FHIT: variants seen among roughly 807,000 people sequenced by gnomAD.
The protein encoded by FHIT is fragile histidine triad diadenosine triphosphatase.
In FHIT, 19 loss-of-function variants were observed where a neutral mutation model predicts 17.9. The ratio of observed to expected loss-of-function variants is 1.06; its 90% CI spans 0.74 to 1.56. The LOEUF is 1.56. Ranked by LOEUF, FHIT falls within the 40% of genes most tolerant of loss-of-function variation. The pLI, the probability that FHIT is intolerant of heterozygous loss-of-function variation, is 0.00. For synonymous variants in FHIT, 81 were observed against 69.7 expected (o/e 1.16, Z -0.81); for missense variants, 248 against 189.2 (o/e 1.31, Z -1.82).
chr3:60,248,317 T>C (rs185944910), intron 5 of FHIT, among the ~76,000 whole-genome samples: 3 of 152,260 alleles, frequency 2.0e-5, no homozygotes, highest in Admixed American at 1.3e-4. Context: ...AACTTTCATA[T>C]CATTGGGGAA....
chr3:60,088,323 T>C lies in FHIT; in HGVS notation c.104-74171A>G, dbSNP rs556275162. 3.4e-4 allele frequency among the ~76,000 whole-genome samples: 52 copies of C among 152,290 alleles called. 1 individual carries two copies. The South Asian group carries it at 0.01, about 30-fold the overall frequency. The stretch of plus-strand genomic sequence containing the variant: ...TTGACAGGGACAAACAAATCAAGCA[T>C]GATCCTTAGAAACACCACATGGTAG... On this transcript the variant is annotated intron_variant, in intron 5 of 9. Coordinates refer to ENST00000492590, the MANE Select transcript of FHIT (RefSeq NM_002012.4).
Position 61,003,628 on chromosome 3 carries a change from C to T in FHIT, c.-111+38419G>A, listed in dbSNP as rs151193819. ...TAAAACACGATTACCAGGGTATCTG[C>T]AATCAAGCTTTCAATGTAAGAAATA... On this transcript the variant is annotated intron_variant, in intron 3 of 9. Coordinates refer to ENST00000492590, the MANE Select transcript of FHIT (RefSeq NM_002012.4). Among the ~76,000 whole-genome samples, 55 of 152,328 alleles carry T rather than the reference C, an allele frequency of 3.6e-4. No homozygotes were observed. In the East Asian group the frequency reaches 0.01, roughly 28 times the overall value.
Position 60,980,244 on chromosome 3 carries a change from T to TA in FHIT, c.-111+61802dup, listed in dbSNP as rs1271923247. Among the ~76,000 whole-genome samples, 12 of 151,824 alleles carry TA rather than the reference T, an allele frequency of 7.9e-5. No individual in the cohort carries two copies. The South Asian group carries it at 2.1e-3, about 26-fold the overall frequency. On this transcript the variant is annotated intron_variant, in intron 3 of 9. Transcript: ENST00000492590. ...TACTCTGTATAAAGCATAAGAAGGA[T>TA]AAAAAAAATAAACACAACATCTTTT...
chr3:60,149,453 G>A (rs1026426219), intron 5 of FHIT, among the ~76,000 whole-genome samples: 1 of 151,334 alleles, frequency 6.6e-6, no homozygotes, highest in Admixed American at 6.6e-5. Flanking sequence ...TTTGTCCTTT[G>A]TAAGCACAAA....
At chr3:60,175,968 T>C (rs1440436170) in intron 5 of FHIT, among the ~76,000 whole-genome samples, 2 of 152,174 alleles carry the variant, frequency 1.3e-5, no homozygotes, top group South Asian at 2.1e-4. Flanking sequence ...ACTAACCACA[T>C]ATATTTACTG....
At chr3:60,609,353 T>C (rs1213053330) in intron 4 of FHIT, among the ~76,000 whole-genome samples, 2 of 151,770 alleles carry the variant, frequency 1.3e-5, no homozygotes, top group African/African-American at 4.8e-5. Context: ...TGAGACTGAG[T>C]CTAGCTGTGT....
At chr3:60,866,909 C>T (rs782780084) in intron 3 of FHIT, among the ~76,000 whole-genome samples, 1 of 152,102 alleles carries the variant, frequency 6.6e-6, no homozygotes, top group Non-Finnish European at 1.5e-5. Context: ...CTTTTCTTTC[C>T]CCATTGACTG....
chr3:60,142,114 T>C (rs1335164374), intron 5 of FHIT, among the ~76,000 whole-genome samples: 1 of 152,178 alleles, frequency 6.6e-6, no homozygotes, highest in Non-Finnish European at 1.5e-5. Context: ...TCTTTTAGCA[T>C]ATCAATAGGA....
intron 5 of FHIT, among the ~76,000 whole-genome samples, chr3:60,449,880 G>A (rs557265691): frequency 1.6e-4 from 24 of 151,700 alleles, no homozygotes; most frequent in African/African-American, 5.6e-4. Context: ...GCACACGCCT[G>A]TAGTCCCAGC....
rs2106974650 is a variant in FHIT at position 61,135,993 on chromosome 3, A to G, written c.-164+64624T>C. ...GTCTGCATCTTTAATTTGGAGGCTC[A>G]TGATCATGCTGGAGGTAGGAGGCAA... is the stretch of plus-strand genomic sequence containing the variant. On this transcript the variant is annotated intron_variant, in intron 2 of 9. Coordinates refer to ENST00000492590, the MANE Select transcript of FHIT (RefSeq NM_002012.4). Among the ~76,000 whole-genome samples, 2 of 152,292 alleles carry G rather than the reference A, an allele frequency of 1.3e-5. 1 individual carries two copies. Among genetic ancestry groups the G allele is most frequent in the Middle Eastern group, 6.8e-3 (2 of 294 alleles).
rs1013006799 is a variant in FHIT, at chr3:60,372,288, G to C, written c.103+164572C>G. ...TTAAGCCAACCTTCCAAATTTACCT[G>C]AGCATAGAGCACCACCCCTTCACCA... is the stretch of plus-strand genomic sequence containing the variant. On this transcript the variant is annotated intron_variant, in intron 5 of 9. Coordinates refer to ENST00000492590, the MANE Select transcript of FHIT (RefSeq NM_002012.4). Among the ~76,000 whole-genome samples the C allele has an allele frequency of 6.6e-5, 10 of 152,220 alleles. 1 individual carries two copies. Among genetic ancestry groups the C allele is most frequent in the Admixed American group, 4.6e-4 (7 of 15,288 alleles).
At chr3:61,118,748 T>C (rs765187571) in intron 2 of FHIT, among the ~76,000 whole-genome samples, 8 of 152,176 alleles carry the variant, frequency 5.3e-5, no homozygotes, top group Non-Finnish European at 8.8e-5. Context: ...GTTGTAAGAA[T>C]TGAATGTAAA....
At chr3:60,560,802 G>GAC (rs71092614) in intron 4 of FHIT, among the ~76,000 whole-genome samples, 1,735 of 128,868 alleles carry the variant, frequency 0.013, 27 homozygotes, top group Non-Finnish European at 0.017. Flanking sequence ...GATGTAAGGA[G>GAC]ACACACACAC....
intron 5 of FHIT, among the ~76,000 whole-genome samples, chr3:60,364,164 C>G (rs566680927): frequency 7.9e-5 from 12 of 152,228 alleles, no homozygotes; most frequent in Admixed American, 1.3e-4. Context: ...TACAGCCTTT[C>G]TAATAATGCC....
chr3:60,693,649 T>G (rs2041044685), intron 4 of FHIT, among the ~76,000 whole-genome samples: 1 of 152,252 alleles, frequency 6.6e-6, no homozygotes, highest in Non-Finnish European at 1.5e-5. Flanking sequence ...CAGCACCTTC[T>G]GCCTTGTCAG....
chr3:60,355,722 AT>A (rs201474453), intron 5 of FHIT, among the ~76,000 whole-genome samples: 2 of 151,856 alleles, frequency 1.3e-5, no homozygotes, highest in Non-Finnish European at 1.5e-5. Context: ...TTTGTCACAA[AT>A]TTTTTTTTAA....
chr3:60,579,306 T>C (rs1553658867), intron 4 of FHIT, among the ~76,000 whole-genome samples: 1 of 152,168 alleles, frequency 6.6e-6, no homozygotes, highest in Non-Finnish European at 1.5e-5. Flanking sequence ...TACTGAATAC[T>C]GTAGATAACT....
intron 5 of FHIT, among the ~76,000 whole-genome samples, chr3:60,139,795 C>A (rs1400322921): frequency 6.9e-6 from 1 of 143,952 alleles, no homozygotes; most frequent in Non-Finnish European, 1.5e-5. Flanking sequence ...AAAATGCTCT[C>A]TTTACCTTAA....
intron 2 of FHIT, among the ~76,000 whole-genome samples, chr3:61,053,378 G>C (rs1014405741): frequency 6.6e-6 from 1 of 152,176 alleles, no homozygotes; most frequent in Non-Finnish European, 1.5e-5. Flanking sequence ...ATTGTGTTCG[G>C]CTGGGTGTGG....
Sources: gnomAD v4.1 joint callset for allele counts (sites outside exome capture counted in the v4.1 genomes callset) on GRCh38, gnomAD v4.1.1 for gene constraint, MANE v1.5 for transcripts, NCBI Gene and HGNC (gene_info 2026-07-23, HGNC 2026-07-21) for gene names.